NFIA: variants seen among roughly 807,000 people sequenced by gnomAD.
NFIA encodes the protein nuclear factor 1 A-type.
NFIA carries 8 observed loss-of-function variants against 62.8 expected under a neutral mutation model. The observed-to-expected ratio is 0.13, with a 90% CI of 0.07 to 0.23. NFIA has a LOEUF of 0.23. NFIA is among the 10% of genes least tolerant of loss of function. The probability of loss-of-function intolerance (pLI) is 1.00; values close to 1 mark genes in which losing one functional copy is unlikely to be tolerated. For synonymous variants in NFIA, 235 were observed against 238.1 expected, an observed-to-expected ratio of 0.99 and a Z score of 0.12; for missense variants, 410 against 642.1, an observed-to-expected ratio of 0.64 and a Z score of 3.91.
At chr1:61,105,923 TC>T (rs1646588907) in intron 2 of NFIA, among the ~76,000 whole-genome samples, 1 of 151,796 alleles carries the variant, frequency 6.6e-6, no homozygotes, top group Admixed American at 6.6e-5. Flanking sequence ...GTTAAATTCA[TC>T]CTTGACTGTC....
chr1:61,111,936 T>A (rs886400773), intron 2 of NFIA, among the ~76,000 whole-genome samples: 2 of 152,130 alleles, frequency 1.3e-5, no homozygotes, highest in African/African-American at 4.8e-5. Context: ...CTTTCAGAAG[T>A]GAGTTAGTAC....
chr1:61,128,341 G>T (rs1647011740), intron 2 of NFIA, among the ~76,000 whole-genome samples: 1 of 152,154 alleles, frequency 6.6e-6, no homozygotes, highest in African/African-American at 2.4e-5. Flanking sequence ...CAAAAATGAT[G>T]ATCTTCAGGC....
chr1:61,233,179 T>A (rs541375658), intron 2 of NFIA, among the ~76,000 whole-genome samples: 20 of 152,334 alleles, frequency 1.3e-4, no homozygotes, highest in African/African-American at 4.3e-4. Flanking sequence ...TGCATTGGAT[T>A]TTGTAGATGA....
At chr1:61,314,477 A>G (rs192783727) in intron 3 of NFIA, among the ~76,000 whole-genome samples, 1 of 152,308 alleles carries the variant, frequency 6.6e-6, no homozygotes, top group African/African-American at 2.4e-5. Flanking sequence ...ATAAAAGTAA[A>G]TAATAAGCTA....
intron 2 of NFIA, chr1:61,250,142 T>C (rs528746253): frequency 1.3e-5 from 2 of 152,334 alleles, no homozygotes; most frequent in East Asian, 3.9e-4. Flanking sequence ...AAAATGATCA[T>C]TTTAATTGGA....
chr1:61,170,509 A>G (rs192938681), intron 2 of NFIA, among the ~76,000 whole-genome samples: 1 of 152,284 alleles, frequency 6.6e-6, no homozygotes, highest in East Asian at 1.9e-4. Flanking sequence ...GTCGAGTCAT[A>G]GCATTTGGCA....
intron 2 of NFIA, among the ~76,000 whole-genome samples, chr1:61,225,598 T>C (rs1654285536): frequency 6.7e-6 from 1 of 149,624 alleles, no homozygotes; most frequent in African/African-American, 2.5e-5. Flanking sequence ...GGAGCAACTA[T>C]AGCAGGAAAT....
chr1:61,091,247 G>A (rs1052216757), intron 2 of NFIA, among the ~76,000 whole-genome samples: 3 of 151,894 alleles, frequency 2.0e-5, no homozygotes, highest in African/African-American at 4.8e-5. Flanking sequence ...AAATTTGTGT[G>A]TAATAATTCT....
At chr1:61,247,732 G>C (rs1018814069) in intron 2 of NFIA, among the ~76,000 whole-genome samples, 6 of 151,958 alleles carry the variant, frequency 3.9e-5, no homozygotes, top group African/African-American at 1.5e-4. Context: ...AGTTGAGTTT[G>C]CTGCCACCAT....
At chr1:61,222,314 G>A (rs943934239) in intron 2 of NFIA, among the ~76,000 whole-genome samples, 5 of 152,092 alleles carry the variant, frequency 3.3e-5, no homozygotes, top group Admixed American at 2.0e-4. Context: ...CAAGTAATTT[G>A]CATTATGTTT....
chr1:61,313,877 T>C (rs1557700215), intron 3 of NFIA, among the ~76,000 whole-genome samples: 1 of 152,220 alleles, frequency 6.6e-6, no homozygotes. Context: ...ATTGCTTCAG[T>C]TGAAATCCCG....
At chr1:61,184,264 C>T (rs952750481) in intron 2 of NFIA, among the ~76,000 whole-genome samples, 6 of 152,188 alleles carry the variant, frequency 3.9e-5, no homozygotes, top group Non-Finnish European at 5.9e-5. Context: ...TGAAGGGCGA[C>T]GTTCCGCTCC....
intron 10 of NFIA, among the ~76,000 whole-genome samples, chr1:61,430,915 G>A (rs1225537559): frequency 6.6e-6 from 1 of 151,998 alleles, no homozygotes; most frequent in Non-Finnish European, 1.5e-5. Flanking sequence ...ATGAGAGGTG[G>A]CCACCTCCCT....
intron 7 of NFIA, among the ~76,000 whole-genome samples, chr1:61,400,858 C>G (rs2100515703): frequency 6.6e-6 from 1 of 152,094 alleles, no homozygotes; most frequent in East Asian, 1.9e-4. Flanking sequence ...CAAATAAAAA[C>G]TTAGGTACAG....
At chr1:61,399,546 G>A (rs1665448709) in intron 7 of NFIA, among the ~76,000 whole-genome samples, 1 of 152,198 alleles carries the variant, frequency 6.6e-6, no homozygotes, top group African/African-American at 2.4e-5. Flanking sequence ...TAATACAGAA[G>A]AACATATTTC....
intron 3 of NFIA, among the ~76,000 whole-genome samples, chr1:61,292,146 C>T (rs1275927118): frequency 2.6e-5 from 4 of 152,072 alleles, no homozygotes; most frequent in East Asian, 1.9e-4. Flanking sequence ...ATAAACTTAT[C>T]GTTTTTCAAA....
At chr1:61,395,595 T>G (rs1333221942) in intron 7 of NFIA, among the ~76,000 whole-genome samples, 1 of 152,232 alleles carries the variant, frequency 6.6e-6, no homozygotes, top group Non-Finnish European at 1.5e-5. Context: ...CAAGTTCCCT[T>G]CATGTAACTG....
intron 9 of NFIA, among the ~76,000 whole-genome samples, chr1:61,425,393 T>G (rs985474627): frequency 1.3e-5 from 2 of 152,242 alleles, no homozygotes; most frequent in Non-Finnish European, 2.9e-5. Context: ...AAGTTGCATA[T>G]CCTGATTGTT....
Position 61,134,815 on chromosome 1 carries a change from C to T in NFIA, c.559+46135C>T, listed in dbSNP as rs191710455. 9.9e-5 allele frequency among the ~76,000 whole-genome samples: 15 copies of T among 152,202 alleles called. No individual in the cohort carries two copies. In the East Asian group the frequency reaches 2.9e-3, roughly 29 times the overall value. On this transcript the variant is annotated intron_variant, in intron 2 of 10. Transcript: ENST00000403491. ...GACAGGCCTGGGCAACATAGGGAGA[C>T]CCTGTCTCTATTATCATAAATAAAA...
Sources: allele counts gnomAD v4.1 joint callset (sites outside exome capture counted in the v4.1 genomes callset), GRCh38; gene constraint gnomAD v4.1.1; transcripts MANE v1.5; gene names NCBI Gene and HGNC (gene_info 2026-07-23, HGNC 2026-07-21).